The following PTPRN2 variants were observed in gnomAD, a reference collection of about 807,000 sequenced individuals.
The protein encoded by PTPRN2 is protein tyrosine phosphatase receptor type N2.
PTPRN2 carries 74 observed loss-of-function variants against 118.8 expected under a neutral mutation model. The ratio of observed to expected loss-of-function variants is 0.62; its 90% CI spans 0.52 to 0.76. The LOEUF is 0.76. PTPRN2 is among the 30% of genes least tolerant of loss of function. PTPRN2 has a pLI of 0.00. For synonymous variants in PTPRN2, 641 were observed against 608.0 expected (o/e 1.05, Z -0.80); for missense variants, 1,481 against 1,394.4 (o/e 1.06, Z -0.99).
At chr7:157,774,822 T>C (rs1384671341) in intron 12 of PTPRN2, among the ~76,000 whole-genome samples, 1 of 151,962 alleles carries the variant, frequency 6.6e-6, no homozygotes, top group African/African-American at 2.4e-5. Context: ...CTTCCAAAGA[T>C]GAGAGGACCA....
At chr7:157,569,641 G>A (rs1179334085) in intron 20 of PTPRN2, among the ~76,000 whole-genome samples, 3 of 152,192 alleles carry the variant, frequency 2.0e-5, no homozygotes, top group Non-Finnish European at 2.9e-5. Context: ...CAGTAGCAAA[G>A]GAAAAAAAAT....
At chr7:158,340,503 C>T (rs1179889826) in intron 2 of PTPRN2, among the ~76,000 whole-genome samples, 1 of 122,702 alleles carries the variant, frequency 8.1e-6, no homozygotes, top group African/African-American at 3.0e-5. Flanking sequence ...CACCTGCAGA[C>T]GTCACTCACA....
intron 2 of PTPRN2, among the ~76,000 whole-genome samples, chr7:158,359,726 T>C (rs1160186215): frequency 6.6e-6 from 1 of 152,182 alleles, no homozygotes; most frequent in Non-Finnish European, 1.5e-5. Context: ...ACACGTGGTG[T>C]TGTCGATGAA....
intron 11 of PTPRN2, among the ~76,000 whole-genome samples, chr7:157,958,265 A>G (rs1801307348): frequency 6.6e-6 from 1 of 152,188 alleles, no homozygotes; most frequent in Non-Finnish European, 1.5e-5. Flanking sequence ...AATAAAGGCC[A>G]TATATGAAAA....
rs1799801350 is a variant in PTPRN2 at position 157,729,983 on chromosome 7, A to G, written c.1789-47046T>C. On this transcript the variant is annotated intron_variant, in intron 12 of 22. Coordinates refer to ENST00000389418, the MANE Select transcript of PTPRN2 (RefSeq NM_002847.5). This position sits in a 1 kb window ranked among gnomAD's most constrained non-coding sequence, Gnocchi z 4.3. The stretch of plus-strand genomic sequence containing the variant: ...TTCTTCTCTCCAGGGAGCAGAAACC[A>G]CAAGATAGACATGGCCCATTGTGCT... Among the ~76,000 whole-genome samples the G allele has an allele frequency of 6.6e-6, 1 of 152,250 alleles. No individual in the cohort carries two copies. Among genetic ancestry groups the G allele is most frequent in the South Asian group, 2.1e-4 (1 of 4,824 alleles).
rs1563336602 is a variant in PTPRN2, at chr7:158,022,731, G to GC, written c.1723+58566dup. ...TAATGATGCAGCAAAGCATCAGGCT[G>GC]CCCACGCCAGAAGGCTTTCCCCCAC... On this transcript the variant is annotated intron_variant, in intron 11 of 22. Transcript: ENST00000389418. The surrounding 1 kb of genome is among the most constrained non-coding windows in gnomAD (Gnocchi z 4.6). Among the ~76,000 whole-genome samples the GC allele has an allele frequency of 6.6e-6, 1 of 152,272 alleles. No individual in the cohort carries two copies. The highest frequency in any genetic ancestry group is 1.5e-5 in the Non-Finnish European group (1 of 68,040).
intron 17 of PTPRN2, among the ~76,000 whole-genome samples, chr7:157,579,775 C>CT (rs1800254206): frequency 6.6e-6 from 1 of 152,192 alleles, no homozygotes; most frequent in Non-Finnish European, 1.5e-5. Context: ...AATAATATTT[C>CT]TTTTTAGGTC....
rs538028982 is a variant in PTPRN2 at position 157,632,503 on chromosome 7, T to C, written c.2197-10994A>G. Among the ~76,000 whole-genome samples, 10 of 152,352 alleles carry C rather than the reference T, an allele frequency of 6.6e-5. No individual in the cohort carries two copies. Among genetic ancestry groups the C allele is most frequent in the Non-Finnish European group, 1.2e-4 (8 of 68,034 alleles). On this transcript the variant is annotated intron_variant, in intron 14 of 22. Transcript: ENST00000389418. The surrounding 1 kb of genome is among the most constrained non-coding windows in gnomAD (Gnocchi z 4.3). ...TAATTTTTTCCTTACCACCTACTCT[T>C]ACTAAGTAGGGGAAAGTCTTGTTCT...
chr7:158,001,894 C>T (rs529412524), intron 11 of PTPRN2, among the ~76,000 whole-genome samples: 3 of 152,214 alleles, frequency 2.0e-5, no homozygotes, highest in African/African-American at 7.2e-5. Flanking sequence ...TGAGGTCATC[C>T]GGAGGCACCC....
chr7:158,331,687 G>T (rs1450825264), intron 2 of PTPRN2, among the ~76,000 whole-genome samples: 9 of 150,018 alleles, frequency 6.0e-5, no homozygotes, highest in Admixed American at 2.0e-4. Context: ...CATAAGAGGT[G>T]ACACTTGCAG....
chr7:158,341,864 C>CCG (rs1563178852), intron 2 of PTPRN2, among the ~76,000 whole-genome samples: 1 of 85,084 alleles, frequency 1.2e-5, no homozygotes, highest in Non-Finnish European at 2.2e-5. Flanking sequence ...TAAGAGTGTG[C>CCG]CCCGCAGGCG....
At chr7:158,499,166 T>TATC (rs911681137) in intron 1 of PTPRN2, among the ~76,000 whole-genome samples, 13 of 152,006 alleles carry the variant, frequency 8.6e-5, no homozygotes, top group South Asian at 2.1e-4. Context: ...ATATCATCAT[T>TATC]ATCATCATCA....
At chr7:157,795,013 G>A (rs965319448) in intron 12 of PTPRN2, among the ~76,000 whole-genome samples, 3 of 152,154 alleles carry the variant, frequency 2.0e-5, no homozygotes, top group African/African-American at 7.2e-5. Flanking sequence ...CCTGTGCGTC[G>A]CAGCCCCTCA....
At chr7:158,362,210 C>T (rs1207494644) in intron 2 of PTPRN2, among the ~76,000 whole-genome samples, 2 of 152,194 alleles carry the variant, frequency 1.3e-5, no homozygotes, top group African/African-American at 4.8e-5. Context: ...TCTGGGCTGT[C>T]CAGAGGAGGA....
rs893374913 is a variant in PTPRN2 at position 158,092,440 on chromosome 7, G to A, written c.1644-11063C>T. Among the ~76,000 whole-genome samples, 25 of 151,658 alleles carry A rather than the reference G, an allele frequency of 1.6e-4. No individual in the cohort carries two copies. The East Asian group carries it at 2.7e-3, about 17-fold the overall frequency. On this transcript the variant is annotated intron_variant, in intron 10 of 22. Transcript: ENST00000389418. Reference sequence around the variant, plus strand: ...TGGCTGGATGGATGGGGAGGTAGACGGATGGATGGATGAAAAATTGATAGG... The same window carrying A: ...TGGCTGGATGGATGGGGAGGTAGACAGATGGATGGATGAAAAATTGATAGG...
intron 19 of PTPRN2, among the ~76,000 whole-genome samples, 193 bp from the exon 20 acceptor site, chr7:157,571,686 G>A (rs777475985): frequency 2.6e-5 from 4 of 152,048 alleles, no homozygotes; most frequent in Admixed American, 1.3e-4. Flanking sequence ...GTTATTAATC[G>A]GAGCTTTAAA....
chr7:158,220,913 A>T (rs1828315791), intron 3 of PTPRN2, among the ~76,000 whole-genome samples: 1 of 151,916 alleles, frequency 6.6e-6, no homozygotes, highest in Non-Finnish European at 1.5e-5. Flanking sequence ...AGCCAAAGCA[A>T]CCCTAAGCAA....
At chr7:158,011,024 C>G (rs1029738183) in intron 11 of PTPRN2, among the ~76,000 whole-genome samples, 4 of 152,194 alleles carry the variant, frequency 2.6e-5, no homozygotes, top group African/African-American at 9.7e-5. Flanking sequence ...CAGACGGAAT[C>G]CTGAAATAGG....
At chr7:158,281,665 C>T (rs935139954) in intron 3 of PTPRN2, among the ~76,000 whole-genome samples, 10 of 152,144 alleles carry the variant, frequency 6.6e-5, no homozygotes, top group Non-Finnish European at 8.8e-5. Flanking sequence ...AGGTGTGTGG[C>T]ATGCCTGGGG....
Sources: allele counts gnomAD v4.1 joint callset (sites outside exome capture counted in the v4.1 genomes callset), GRCh38; gene constraint gnomAD v4.1.1; non-coding constraint Gnocchi (gnomAD v3.1); transcripts MANE v1.5; gene names NCBI Gene and HGNC (gene_info 2026-07-23, HGNC 2026-07-21).